Variants in IGFL2 observed in about 807,000 individuals in gnomAD.
The protein encoded by IGFL2 is IGF like family member 2.
A neutral mutation model predicts 13.9 loss-of-function variants in IGFL2; 7 were observed. That is an observed-to-expected ratio of 0.51 (90% CI 0.29 to 0.95). IGFL2 has a LOEUF of 0.95. Ranked by LOEUF, IGFL2 falls within the 40% of genes least tolerant of loss-of-function variation. The pLI, the probability that IGFL2 is intolerant of heterozygous loss-of-function variation, is 0.08. For synonymous variants in IGFL2, 55 were observed against 55.8 expected, an observed-to-expected ratio of 0.99 and a Z score of 0.07; for missense variants, 138 against 147.8, an observed-to-expected ratio of 0.93 and a Z score of 0.34.
the IGFL2 span, chr19:46,181,458 A>G: frequency 1.3e-5 from 2 of 152,344 alleles, no homozygotes; most frequent in African/African-American, 4.8e-5. Context: ...CCAGAGTCAC[A>G]TAACAGGGGG....
the IGFL2 span, among the ~76,000 whole-genome samples, chr19:46,211,837 C>T: frequency 1.3e-5 from 2 of 151,922 alleles, no homozygotes; most frequent in African/African-American, 4.8e-5. Flanking sequence ...TCGGGCCAGG[C>T]TGGCAGATTT....
At chr19:46,099,859 C>T in the IGFL2 span, among the ~76,000 whole-genome samples, 1 of 151,892 alleles carries the variant, frequency 6.6e-6, no homozygotes, top group Admixed American at 6.6e-5. Context: ...TTTTCTCAGT[C>T]TTGTCTGCTT....
intron 1 of IGFL2, among the ~76,000 whole-genome samples, chr19:46,153,873 T>A (rs1456363636): frequency 5.3e-5 from 8 of 151,218 alleles, no homozygotes; most frequent in African/African-American, 1.9e-4. Context: ...ATTCATGTGC[T>A]GAACATGCAG....
the IGFL2 span, among the ~76,000 whole-genome samples, chr19:46,108,258 C>T: frequency 6.6e-6 from 1 of 151,890 alleles, no homozygotes; most frequent in South Asian, 2.1e-4. Flanking sequence ...TGGGATGGGT[C>T]GCATTGTGAG....
the IGFL2 span, among the ~76,000 whole-genome samples, chr19:46,090,776 C>A: frequency 1.8e-3 from 271 of 152,260 alleles, 7 homozygotes; most frequent in East Asian, 0.044. Flanking sequence ...ATTGAGCTGG[C>A]CTTGCAGGGG....
intron 1 of IGFL2, among the ~76,000 whole-genome samples, chr19:46,151,842 G>A (rs1973513209): frequency 6.6e-6 from 1 of 152,108 alleles, no homozygotes; most frequent in Non-Finnish European, 1.5e-5. Flanking sequence ...AGCCTGTGAG[G>A]CGGAGGTTGC....
At chr19:46,209,236 G>C in the IGFL2 span, 1 of 152,292 alleles carries the variant, frequency 6.6e-6, no homozygotes, top group Non-Finnish European at 1.5e-5. Context: ...CCTGTGTTCA[G>C]GGTGTGTCTC....
downstream of IGFL2, among the ~76,000 whole-genome samples, chr19:46,161,586 C>CT (rs879577376): frequency 4.9e-4 from 75 of 152,186 alleles, no homozygotes; most frequent in Non-Finnish European, 1.0e-3. Context: ...TGATGCCCTT[C>CT]TTTTTTTATC....
the IGFL2 span, among the ~76,000 whole-genome samples, chr19:46,176,697 T>C: frequency 6.6e-6 from 1 of 151,968 alleles, no homozygotes; most frequent in African/African-American, 2.4e-5. Flanking sequence ...GAAGTGGGGA[T>C]CCTAGGGGCT....
chr19:46,144,806 C>G (rs1973033757), upstream of IGFL2, among the ~76,000 whole-genome samples: 1 of 152,082 alleles, frequency 6.6e-6, no homozygotes, highest in Non-Finnish European at 1.5e-5. Flanking sequence ...CCAACCCCAA[C>G]CCCTGGCATT....
At chr19:46,148,342 C>G (rs748821219) in intron 1 of IGFL2, 45 bp downstream of exon 1, 162 of 1,481,436 alleles carry the variant, frequency 1.1e-4, no homozygotes, top group Non-Finnish European at 1.3e-4. Context: ...CTACTGTTAT[C>G]CCTAATGTAC....
At chr19:46,126,081 A>G in the IGFL2 span, among the ~76,000 whole-genome samples, 1 of 151,382 alleles carries the variant, frequency 6.6e-6, no homozygotes, top group Non-Finnish European at 1.5e-5. Flanking sequence ...TGTTATTGAA[A>G]GATACACTGT....
the IGFL2 span, among the ~76,000 whole-genome samples, chr19:46,170,931 A>T: frequency 3.3e-5 from 5 of 152,040 alleles, no homozygotes; most frequent in Admixed American, 3.3e-4. Context: ...TGACCTTGTG[A>T]TCTCGCCCTG....
the IGFL2 span, among the ~76,000 whole-genome samples, chr19:46,096,446 T>C: frequency 0.013 from 2,017 of 152,254 alleles, 29 homozygotes; most frequent in Middle Eastern, 0.027. Flanking sequence ...TTTCTAGTTA[T>C]AGGATCATGT....
chr19:46,110,367 C>T, the IGFL2 span, among the ~76,000 whole-genome samples: 2 of 152,216 alleles, frequency 1.3e-5, no homozygotes, highest in Non-Finnish European at 2.9e-5. Flanking sequence ...CTCCTGATTC[C>T]TGCAACAACA....
the IGFL2 span, chr19:46,137,443 A>T: frequency 9.6e-7 from 1 of 1,036,592 alleles, no homozygotes; most frequent in Non-Finnish European, 1.5e-6. Context: ...AATGGTGCTC[A>T]TACAGCCAAT....
chr19:46,186,237 A>G, the IGFL2 span, among the ~76,000 whole-genome samples: 1 of 152,152 alleles, frequency 6.6e-6, no homozygotes, highest in Non-Finnish European at 1.5e-5. Context: ...ACGGCCGTGG[A>G]TCAGGCCGCA....
the IGFL2 span, among the ~76,000 whole-genome samples, chr19:46,098,699 G>A: frequency 6.6e-5 from 10 of 152,148 alleles, no homozygotes; most frequent in Admixed American, 3.3e-4. Flanking sequence ...GGCTGGTCTC[G>A]AACTTCTGAC....
chr19:46,161,678 C>T (rs1974178939), downstream of IGFL2, among the ~76,000 whole-genome samples: 2 of 152,134 alleles, frequency 1.3e-5, no homozygotes, highest in South Asian at 4.1e-4. Flanking sequence ...GTAGATTTTC[C>T]TCCATTCCTT....
Sources: allele counts gnomAD v4.1 joint callset (sites outside exome capture counted in the v4.1 genomes callset), GRCh38; gene constraint gnomAD v4.1.1; transcripts MANE v1.5; gene names NCBI Gene and HGNC (gene_info 2026-07-23, HGNC 2026-07-21).